Variants in NCR1 observed in about 807,000 individuals in gnomAD.
The protein encoded by NCR1 is NK cell-activating receptor.
A neutral mutation model predicts 32.5 loss-of-function variants in NCR1; 30 were observed. The observed-to-expected ratio is 0.92, with a 90% confidence interval of 0.69 to 1.25. NCR1 has a LOEUF of 1.25. Among genes scored for constraint, NCR1 ranks in the 50% most tolerant of loss-of-function variants. The pLI, the probability that NCR1 is intolerant of heterozygous loss-of-function variation, is 0.00. For missense variants in NCR1, 369 were observed against 380.7 expected, an observed-to-expected ratio of 0.97 and a Z score of 0.26; for synonymous variants, 169 against 143.4, an observed-to-expected ratio of 1.18 and a Z score of -1.28.
upstream of NCR1, among the ~76,000 whole-genome samples, chr19:54,905,288 T>A (rs2067514373): frequency 6.6e-6 from 1 of 152,070 alleles, no homozygotes; most frequent in Admixed American, 6.6e-5. Context: ...TTCTGACTGG[T>A]GTGAGATGGT....
At chr19:54,926,777 G>A in the NCR1 span, among the ~76,000 whole-genome samples, 1 of 151,794 alleles carries the variant, frequency 6.6e-6, no homozygotes, top group Admixed American at 6.6e-5. Flanking sequence ...TTAGCTGGGT[G>A]TGGTGGCGAG....
intron 6 of NCR1, 73 bp downstream of exon 6, chr19:54,912,291 A>C (rs1390911913): frequency 6.9e-6 from 10 of 1,456,132 alleles, no homozygotes; most frequent in African/African-American, 1.4e-5. Context: ...AAGGGAATCT[A>C]AATGGGAACA....
downstream of NCR1, among the ~76,000 whole-genome samples, chr19:54,918,642 T>C (rs2068181647): frequency 6.6e-6 from 1 of 151,832 alleles, no homozygotes. Flanking sequence ...GCCCATTACA[T>C]CACTCTGCCT....
At chr19:54,930,932 A>T in the NCR1 span, among the ~76,000 whole-genome samples, 1 of 152,070 alleles carries the variant, frequency 6.6e-6, no homozygotes, top group Non-Finnish European at 1.5e-5. Flanking sequence ...CTGAGGCAGG[A>T]GAATCGCTTG....
chr19:54,937,606 A>C, the NCR1 span, among the ~76,000 whole-genome samples: 1 of 151,962 alleles, frequency 6.6e-6, no homozygotes, highest in African/African-American at 2.4e-5. Context: ...AAAATAAAAA[A>C]TAAAAAAGGG....
intron 5 of NCR1, among the ~76,000 whole-genome samples, chr19:54,911,364 G>T (rs1290682474): frequency 2.1e-5 from 3 of 145,492 alleles, no homozygotes; most frequent in South Asian, 2.2e-4. Flanking sequence ...AAAAGAAAAA[G>T]AAAAAGAAAA....
chr19:54,901,718 A>C (rs1204633344), upstream of NCR1, among the ~76,000 whole-genome samples: 1 of 152,196 alleles, frequency 6.6e-6, no homozygotes, highest in Non-Finnish European at 1.5e-5. Context: ...CTCTAATCCC[A>C]GCACTTTGGG....
downstream of NCR1, among the ~76,000 whole-genome samples, chr19:54,915,032 T>C (rs1448922644): frequency 6.6e-6 from 1 of 151,912 alleles, no homozygotes; most frequent in Non-Finnish European, 1.5e-5. Flanking sequence ...CGTGAGCCAC[T>C]GCGCCCAGCC....
downstream of NCR1, among the ~76,000 whole-genome samples, chr19:54,919,640 G>A (rs1244728059): frequency 2.6e-5 from 4 of 151,668 alleles, no homozygotes; most frequent in South Asian, 4.2e-4. Context: ...CTGCGGGCGA[G>A]CCTGACTGAT....
the NCR1 span, among the ~76,000 whole-genome samples, chr19:54,932,206 T>C: frequency 3.3e-5 from 5 of 152,006 alleles, no homozygotes; most frequent in Admixed American, 1.3e-4. Context: ...GGCAGGCAGA[T>C]CACTTAAGGC....
chr19:54,923,602 T>C, the NCR1 span: 1 of 982,348 alleles, frequency 1.0e-6, no homozygotes, highest in South Asian at 1.3e-5. Flanking sequence ...CTCCCAAAAA[T>C]AGTGAGAAAA....
At chr19:54,920,121 CCT>C (rs368791354), downstream of NCR1, among the ~76,000 whole-genome samples, 492 of 152,256 alleles carry the variant, frequency 3.2e-3, 3 homozygotes, top group African/African-American at 0.01. Context: ...CAGCTCGTGT[CCT>C]CTGTCTCTTG....
downstream of NCR1, among the ~76,000 whole-genome samples, chr19:54,919,247 C>T (rs2068193311): frequency 1.3e-5 from 2 of 152,092 alleles, no homozygotes; most frequent in Admixed American, 1.3e-4. Flanking sequence ...GCAGCTGGGC[C>T]CGGGGGACCA....
In NCR1 at chr19:54,909,414, C is replaced by T; in HGVS notation, c.525C>T (p.Phe175=). 1.2e-6 allele frequency: 2 copies of T among 1,613,806 alleles called. No homozygotes were observed. Among genetic ancestry groups the T allele is most frequent in the East Asian group, 2.2e-5 (1 of 44,866 alleles). ...GATACGGGAAGGTCCAGGCGGAGTT[C>T]CCCCTGGGCCCTGTGACCACAGCCC... is the stretch of plus-strand genomic sequence containing the variant. ...QRGYGKVQAE[F]PLGPVTTAHR... Residue 175 remains phenylalanine, a synonymous_variant, in exon 4 of 7, where the codon TTC becomes TTT. Transcript: ENST00000291890.
At chr19:54,931,990 G>A in the NCR1 span, among the ~76,000 whole-genome samples, 1 of 152,068 alleles carries the variant, frequency 6.6e-6, no homozygotes, top group Non-Finnish European at 1.5e-5. Flanking sequence ...GTTAGATTAT[G>A]GAAATTTCAC....
Position 54,912,236 on chromosome 19 carries a change from G to A in NCR1, c.733+18G>A, listed in dbSNP as rs113398520. On this transcript the variant is annotated intron_variant, in intron 6 of 6. Coordinates refer to ENST00000291890, the MANE Select transcript of NCR1 (RefSeq NM_004829.7). ...CCAGAAAGGTAAGTAGACAGCTGGG[G>A]CCATAGGCTCTGAAGGAAGGGGCTG... 5.7e-4 allele frequency: 916 copies of A among 1,612,560 alleles called. 7 individuals are homozygous for A. The African/African-American group carries it at 0.011, about 19-fold the overall frequency.
At chr19:54,934,345 G>T in the NCR1 span, 2 of 836,032 alleles carry the variant, frequency 2.4e-6, no homozygotes, top group Non-Finnish European at 4.2e-6. The surrounding 1 kb of genome is among the most constrained non-coding windows in gnomAD (Gnocchi z 6.7). Context: ...GAGATTACAG[G>T]CAGGAGCCAC....
At chr19:54,920,461 C>G (rs372980675), downstream of NCR1, among the ~76,000 whole-genome samples, 16 of 152,252 alleles carry the variant, frequency 1.1e-4, no homozygotes, top group African/African-American at 3.6e-4. Flanking sequence ...GGACACAGGG[C>G]TTTTCAGAGG....
chr19:54,904,985 C>T (rs1308804032), upstream of NCR1, among the ~76,000 whole-genome samples: 2 of 152,200 alleles, frequency 1.3e-5, no homozygotes, highest in Non-Finnish European at 2.9e-5. Context: ...CAGTCCACCT[C>T]TGATGGGACC....
Sources: gnomAD v4.1 joint callset for allele counts (sites outside exome capture counted in the v4.1 genomes callset) on GRCh38, gnomAD v4.1.1 for gene constraint, Gnocchi (gnomAD v3.1) non-coding constraint, MANE v1.5 for transcripts, NCBI Gene and HGNC (gene_info 2026-07-23, HGNC 2026-07-21) for gene names.